VPS13D: variants seen among roughly 807,000 people sequenced by gnomAD.
The protein encoded by VPS13D is vacuolar protein sorting 13 homolog D.
VPS13D carries 187 observed loss-of-function variants against 461.9 expected under a neutral mutation model. The observed-to-expected ratio is 0.40, with a 90% CI of 0.36 to 0.46. The LOEUF (loss-of-function observed/expected upper bound fraction) is 0.46. VPS13D is among the 20% of genes least tolerant of loss of function. The pLI is 0.60. For synonymous variants in VPS13D, 1,951 were observed against 1,986.3 expected, an observed-to-expected ratio of 0.98 and a Z score of 0.47; for missense variants, 4,711 against 5,364.9, an observed-to-expected ratio of 0.88 and a Z score of 3.81.
chr1:12,374,833 G>T (rs185576880), intron 55 of VPS13D, among the ~76,000 whole-genome samples: 1,744 of 152,242 alleles, frequency 0.011, 22 homozygotes, highest in Non-Finnish European at 0.015. Flanking sequence ...TGCCTCCTGG[G>T]TTCAAGTGAT....
intron 5 of VPS13D, 51 bp from the exon 6 acceptor site, chr1:12,249,172 G>A (rs1640652387): frequency 4.3e-6 from 6 of 1,407,672 alleles, no homozygotes; most frequent in Non-Finnish European, 5.9e-6. Flanking sequence ...CTTTTCTTTG[G>A]AACACTATTC....
At chr1:12,374,172 T>C (rs1409657920) in intron 55 of VPS13D, among the ~76,000 whole-genome samples, 1 of 152,254 alleles carries the variant, frequency 6.6e-6, no homozygotes, top group Admixed American at 6.5e-5. Context: ...GCAATAATTG[T>C]AACATTTTAT....
chr1:12,393,176 A>G (rs905931361), intron 60 of VPS13D, among the ~76,000 whole-genome samples: 14 of 152,218 alleles, frequency 9.2e-5, no homozygotes, highest in African/African-American at 1.2e-4. Flanking sequence ...TGTCTCACCA[A>G]TAAGTCCAGT....
Position 12,497,500 on chromosome 1 carries a change from G to A in VPS13D, c.12663G>A (p.Arg4221=). 1 of 1,612,926 alleles carries A rather than the reference G, an allele frequency of 6.2e-7. No individual in the cohort carries two copies. The highest frequency in any genetic ancestry group is 8.5e-7 in the Non-Finnish European group (1 of 1,179,494). ...VRDTATLSGP[R]TQAQRVRKPR... ...GCTTTATGTCCATTTACCCATCTAG[G>A]ACTCAAGCACAGAGGGTTCGGAAAC... Residue 4221 remains arginine, a splice_region_variant and synonymous_variant, in exon 68 of 70, where the codon AGG becomes AGA. Transcript: ENST00000620676.
At chr1:12,391,944 T>A (rs950728667) in intron 60 of VPS13D, among the ~76,000 whole-genome samples, 4 of 152,144 alleles carry the variant, frequency 2.6e-5, no homozygotes, top group Middle Eastern at 6.8e-3. Context: ...CACTGCAACC[T>A]CCTCCTCCTG....
chr1:12,257,700 T>A (rs1290691499), intron 9 of VPS13D, among the ~76,000 whole-genome samples: 1 of 152,202 alleles, frequency 6.6e-6, no homozygotes, highest in African/African-American at 2.4e-5. Flanking sequence ...TTCAAACCAA[T>A]TGAGAACTGT....
intron 65 of VPS13D, among the ~76,000 whole-genome samples, chr1:12,425,143 T>A (rs866081357): frequency 8.5e-5 from 13 of 152,302 alleles, no homozygotes; most frequent in Middle Eastern, 3.4e-3. Context: ...ATTTTTTTTT[T>A]AAATTTCTTT....
rs140957286 is a variant in VPS13D, at chr1:12,261,083, G to A, written c.1348G>A (p.Glu450Lys). The part of the protein sequence containing the change: ...WGGWYGQQTP[E>K]GNVVEGLSAE... ...TGGCTGGTACGGGCAGCAGACCCCA[G>A]AAGGGAATGTGGTTGAGGGACTGTC... Residue 450 changes from glutamate to lysine, a missense_variant, in exon 12 of 70, where the codon GAA becomes AAA. By Grantham distance (56) the Glu-to-Lys change is moderately conservative. This residue lies in a region of VPS13D where 4,411 missense variants were observed against 4,937.8 expected (regional missense o/e 0.89). Coordinates refer to ENST00000620676, the MANE Select transcript of VPS13D (RefSeq NM_015378.4). 23 of 1,614,172 alleles carry A rather than the reference G, an allele frequency of 1.4e-5. No individual in the cohort carries two copies. In the African/African-American group the frequency reaches 2.5e-4, roughly 18 times the overall value.
At chr1:12,362,895 A>G in intron 51 of VPS13D, 45 bp downstream of exon 51, 1 of 1,612,162 alleles carries the variant, frequency 6.2e-7, no homozygotes, top group Non-Finnish European at 8.5e-7. Flanking sequence ...ATTTAATAGC[A>G]CGAGTTTTAA....
chr1:12,311,550 C>T lies in VPS13D; in HGVS notation c.6747C>T (p.Gly2249=), dbSNP rs543091506. 3.8e-5 allele frequency: 61 copies of T among 1,614,136 alleles called. No individual in the cohort carries two copies. In the South Asian group the frequency reaches 4.2e-4, roughly 11 times the overall value. Reference sequence around the variant, plus strand: ...TGTATAAATACAAGCTGATCCGCGGCTTATTAGAGAACAACCTGGGAGAAC... The same window carrying T: ...TGTATAAATACAAGCTGATCCGCGGTTTATTAGAGAACAACCTGGGAGAAC... ...LDLYKYKLIR[G]LLENNLGEPI... Residue 2249 remains glycine, a synonymous_variant, in exon 28 of 70, where the codon GGC becomes GGT. Transcript: ENST00000620676.
intron 27 of VPS13D, among the ~76,000 whole-genome samples, chr1:12,309,896 T>C (rs1642684587): frequency 6.6e-6 from 1 of 152,184 alleles, no homozygotes; most frequent in African/African-American, 2.4e-5. Context: ...TTTAGTTTCT[T>C]TCTGGATTAA....
At chr1:12,488,669 CA>C (rs79424685) in intron 67 of VPS13D, among the ~76,000 whole-genome samples, 65,915 of 82,750 alleles carry the variant, frequency 0.8, 25,693 homozygotes, top group Middle Eastern at 0.9. Context: ...TCATTTGAAC[CA>C]AAAAAAAAAA....
intron 25 of VPS13D, among the ~76,000 whole-genome samples, chr1:12,303,096 T>C (rs1301120405): frequency 2.0e-5 from 3 of 152,248 alleles, no homozygotes; most frequent in African/African-American, 7.2e-5. Flanking sequence ...AGCCATCATT[T>C]TGTATTTGCA....
rs747824711 is a variant in VPS13D at position 12,497,626 on chromosome 1, C to T, written c.12789C>T (p.Asp4263=). 1.7e-5 allele frequency: 27 copies of T among 1,612,352 alleles called. No individual in the cohort carries two copies. Among genetic ancestry groups the T allele is most frequent in the Middle Eastern group, 1.6e-4 (1 of 6,076 alleles). ...QLFKLTDNIQ[D]EFFIAVENID... is the part of the protein sequence containing the mutation. ...TCAAACTCACAGACAACATACAGGA[C>T]GAATTGTAAGTTAGAGCATGGGAAA... is the stretch of plus-strand genomic sequence containing the variant. The change falls in exon 68 of 70, where the codon GAC becomes GAT. Residue 4263 remains aspartate, a synonymous_variant. Coordinates refer to ENST00000620676, the MANE Select transcript of VPS13D (RefSeq NM_015378.4).
intron 11 of VPS13D, 43 bp downstream of exon 11, chr1:12,260,837 C>A (rs1309678767): frequency 6.2e-7 from 1 of 1,609,394 alleles, no homozygotes; most frequent in South Asian, 1.1e-5. Flanking sequence ...ACCCAGCACA[C>A]CCTGAGTGCT....
intron 57 of VPS13D, 114 bp from the exon 58 acceptor site, chr1:12,382,862 C>T (rs991208873): frequency 1.0e-6 from 1 of 953,366 alleles, no homozygotes; most frequent in Non-Finnish European, 1.6e-6. Flanking sequence ...GCACATTGAT[C>T]ATGACCCTCC....
chr1:12,485,418 G>C (rs1260193593), intron 67 of VPS13D, among the ~76,000 whole-genome samples: 5 of 152,186 alleles, frequency 3.3e-5, no homozygotes, highest in Admixed American at 3.3e-4. Flanking sequence ...GCCTGCATTT[G>C]GTGGCCCTTG....
Position 12,358,599 on chromosome 1 carries a change from T to G in VPS13D, c.10139T>G (p.Ile3380Ser), listed in dbSNP as rs756089634. ...QGNRPGLIYN[I>S]GIDVKKGRGR... ...AACCGCCCAGGGCTGATCTATAACA[T>G]TGGTGGGTTACATTTGGGGCAGCGG... Residue 3380 changes from isoleucine to serine, a missense_variant and splice_region_variant, in exon 50 of 70, where the codon ATT becomes AGT. Ile to Ser is a moderately radical substitution (Grantham distance 142). Transcript: ENST00000620676. 1 of 1,613,844 alleles carries G rather than the reference T, an allele frequency of 6.2e-7. No homozygotes were observed. The highest frequency in any genetic ancestry group is 8.5e-7 in the Non-Finnish European group (1 of 1,179,876).
chr1:12,240,146 T>C lies in VPS13D; in HGVS notation c.98-2367T>C, dbSNP rs528202973. On this transcript the variant is annotated intron_variant, in intron 2 of 69. Coordinates refer to ENST00000620676, the MANE Select transcript of VPS13D (RefSeq NM_015378.4). ...CATTTTTTCCTTTACATTCTCTCTC[T>C]CCTTTCTAGATCTCCTCCTTTGCCC... Among the ~76,000 whole-genome samples, 5 of 152,284 alleles carry C rather than the reference T, an allele frequency of 3.3e-5. No individual in the cohort carries two copies. In the East Asian group the frequency reaches 7.7e-4, roughly 23 times the overall value.
Sources: gnomAD v4.1 joint callset for allele counts (sites outside exome capture counted in the v4.1 genomes callset) on GRCh38, gnomAD v4.1.1 for gene constraint, gnomAD v4.1.1 regional missense constraint, MANE v1.5 for transcripts, NCBI Gene and HGNC (gene_info 2026-07-23, HGNC 2026-07-21) for gene names.